Variants in ALK observed in about 807,000 individuals in gnomAD.
The protein encoded by ALK is ALK tyrosine kinase receptor.
ALK carries 74 observed loss-of-function variants against 163.1 expected under a neutral mutation model. That is an observed-to-expected ratio of 0.45 (90% CI 0.38 to 0.55). The LOEUF is 0.55. Ranked by LOEUF, ALK falls within the 20% of genes least tolerant of loss-of-function variation. The pLI, the probability that ALK is intolerant of heterozygous loss-of-function variation, is 0.00. For synonymous variants in ALK, 960 were observed against 843.2 expected (o/e 1.14, Z -2.40); for missense variants, 2,063 against 2,105.3 (o/e 0.98, Z 0.39).
chr2:29,537,065 G>A (rs1287565255), intron 3 of ALK, among the ~76,000 whole-genome samples: 2 of 152,218 alleles, frequency 1.3e-5, no homozygotes, highest in African/African-American at 4.8e-5. Context: ...AAAGCAGAGC[G>A]TAAGGGTTTG....
At chr2:29,630,109 T>G (rs999604841) in intron 3 of ALK, among the ~76,000 whole-genome samples, 2 of 152,196 alleles carry the variant, frequency 1.3e-5, no homozygotes, top group African/African-American at 2.4e-5. Context: ...TTTGATTGAC[T>G]GGCCACATGT....
At chr2:29,685,238 C>T (rs551197445) in intron 3 of ALK, among the ~76,000 whole-genome samples, 5 of 152,136 alleles carry the variant, frequency 3.3e-5, no homozygotes, top group Non-Finnish European at 7.4e-5. Flanking sequence ...TAGACAGGAG[C>T]TTCATAGAAA....
At chr2:29,822,171 G>T (rs1194007355) in intron 1 of ALK, among the ~76,000 whole-genome samples, 2 of 152,186 alleles carry the variant, frequency 1.3e-5, no homozygotes, top group Non-Finnish European at 2.9e-5. Flanking sequence ...TCAGCAGAGG[G>T]AGGAGTCAAA....
At chr2:29,195,287 G>A (rs960132790) in intron 28 of ALK, among the ~76,000 whole-genome samples, 6 of 152,176 alleles carry the variant, frequency 3.9e-5, no homozygotes, top group Non-Finnish European at 5.9e-5. Context: ...ATTAAACAGA[G>A]TTCTCTGAAA....
At chr2:29,583,030 C>CTTTTTTT (rs759185460) in intron 3 of ALK, among the ~76,000 whole-genome samples, 22 of 83,344 alleles carry the variant, frequency 2.6e-4, no homozygotes, top group African/African-American at 1.0e-3. Flanking sequence ...GCCTGGCTAA[C>CTTTTTTT]TTTTGTTTTT....
At chr2:29,521,171 G>C (rs1558364597) in intron 4 of ALK, among the ~76,000 whole-genome samples, 1 of 152,202 alleles carries the variant, frequency 6.6e-6, no homozygotes, top group Non-Finnish European at 1.5e-5. Context: ...TGCATCATTT[G>C]AGCTAAGTTG....
intron 1 of ALK, among the ~76,000 whole-genome samples, chr2:29,872,318 A>G (rs1666597389): frequency 6.6e-6 from 1 of 152,224 alleles, no homozygotes; most frequent in Non-Finnish European, 1.5e-5. Context: ...TCCAAGCCTC[A>G]ATTTCCTCAC....
At chr2:29,435,857 T>A (rs1007979209) in intron 4 of ALK, among the ~76,000 whole-genome samples, 1 of 152,190 alleles carries the variant, frequency 6.6e-6, no homozygotes, top group Non-Finnish European at 1.5e-5. Context: ...TAAGGATTTT[T>A]ATTTTTCTGT....
intron 3 of ALK, among the ~76,000 whole-genome samples, chr2:29,589,084 T>C (rs1020091252): frequency 6.6e-6 from 1 of 152,194 alleles, no homozygotes; most frequent in Admixed American, 6.5e-5. Context: ...AGAAACCTTA[T>C]CATCTCTGCA....
intron 5 of ALK, among the ~76,000 whole-genome samples, chr2:29,368,344 C>T (rs905949633): frequency 4.6e-5 from 7 of 152,302 alleles, no homozygotes; most frequent in East Asian, 1.9e-4. Context: ...GTGTGACTTC[C>T]TTTCCAATTT....
chr2:29,452,471 T>C (rs866339439), intron 4 of ALK, among the ~76,000 whole-genome samples: 1 of 152,278 alleles, frequency 6.6e-6, no homozygotes, highest in Middle Eastern at 3.4e-3. Context: ...AACGCTTTCA[T>C]TAAAGTCATC....
intron 1 of ALK, among the ~76,000 whole-genome samples, chr2:29,852,832 T>TTC (rs56348355): frequency 0.04 from 5,978 of 148,358 alleles, 278 homozygotes; most frequent in African/African-American, 0.12. Context: ...GACCAGAGCT[T>TTC]TCTCTCTCTC....
Position 29,719,534 on chromosome 2 carries a change from G to A in ALK, c.668-1837C>T, listed in dbSNP as rs74330978. Among the ~76,000 whole-genome samples, 784 of 152,292 alleles carry A rather than the reference G, an allele frequency of 5.1e-3. 4 individuals carry two copies. The highest frequency in any genetic ancestry group is 0.034 in the Middle Eastern group (10 of 294). ...TATTAGCCTTTTAAAAAATTAGTATGTATCGAGCACATATGGACCGGTATG... is the reference window on the plus strand; with the variant it reads ...TATTAGCCTTTTAAAAAATTAGTATATATCGAGCACATATGGACCGGTATG... On this transcript the variant is annotated intron_variant, in intron 1 of 28. Transcript: ENST00000389048.
intron 3 of ALK, among the ~76,000 whole-genome samples, chr2:29,543,268 T>C (rs1252478285): frequency 1.3e-5 from 2 of 152,236 alleles, no homozygotes; most frequent in Non-Finnish European, 2.9e-5. Flanking sequence ...ATCTTTCTTT[T>C]TCATGCTGCT....
intron 11 of ALK, among the ~76,000 whole-genome samples, chr2:29,265,546 C>T (rs1311415560): frequency 1.3e-5 from 2 of 152,210 alleles, no homozygotes; most frequent in South Asian, 4.1e-4. Context: ...GACAACCACA[C>T]ACTAAGCCTT....
chr2:29,344,093 G>A (rs1302658871), intron 5 of ALK, among the ~76,000 whole-genome samples: 1 of 152,122 alleles, frequency 6.6e-6, no homozygotes, highest in Non-Finnish European at 1.5e-5. Flanking sequence ...CTACATAGTA[G>A]GTATTCAATA....
chr2:29,240,134 A>T (rs937502483), intron 12 of ALK, among the ~76,000 whole-genome samples: 1 of 144,676 alleles, frequency 6.9e-6, no homozygotes. Flanking sequence ...GAAGGAGGGG[A>T]GAGAGAGAGG....
chr2:29,575,190 C>T (rs559123828), intron 3 of ALK, among the ~76,000 whole-genome samples: 5 of 152,186 alleles, frequency 3.3e-5, no homozygotes, highest in South Asian at 4.2e-4. Context: ...TAAGGGTGAA[C>T]GGTGTTGCGG....
At chr2:29,296,835 T>C in intron 9 of ALK, 53 bp downstream of exon 9, 2 of 1,611,856 alleles carry the variant, frequency 1.2e-6, no homozygotes, top group Non-Finnish European at 8.5e-7. Context: ...TGATTTCTTT[T>C]TCATTTTAGC....
Sources: allele counts gnomAD v4.1 joint callset (sites outside exome capture counted in the v4.1 genomes callset), GRCh38; gene constraint gnomAD v4.1.1; transcripts MANE v1.5; gene names NCBI Gene and HGNC (gene_info 2026-07-23, HGNC 2026-07-21).